Variants in PIP5K1C observed in about 807,000 individuals in gnomAD.
The protein encoded by PIP5K1C is phosphatidylinositol-4-phosphate 5-kinase type 1 gamma.
A neutral mutation model predicts 80.1 loss-of-function variants in PIP5K1C; 45 were observed. The ratio of observed to expected loss-of-function variants is 0.56; its 90% CI spans 0.44 to 0.72. PIP5K1C has a LOEUF of 0.72. Among genes scored for constraint, PIP5K1C ranks in the 30% least tolerant of loss-of-function variants. The pLI is 0.00. For synonymous variants in PIP5K1C, 498 were observed against 420.1 expected (o/e 1.19, Z -2.27); for missense variants, 753 against 954.6 (o/e 0.79, Z 2.78).
Position 3,637,095 on chromosome 19 carries a change from C to A in PIP5K1C, c.1920+1789G>T, listed in dbSNP as rs1599920144. ...CATGGCCCTGCGGTTCAGAGCCCGG[C>A]CCTGCAGCCACTCTGCTGACCTGTG... On this transcript the variant is annotated intron_variant, in intron 16 of 17. Coordinates refer to ENST00000335312, the MANE Select transcript of PIP5K1C (RefSeq NM_012398.3). This position sits in a 1 kb window ranked among gnomAD's most constrained non-coding sequence, Gnocchi z 7.0. The A allele has an allele frequency of 3.1e-6, 4 of 1,292,192 alleles. No homozygotes were observed. The highest frequency in any genetic ancestry group is 2.0e-6 in the Non-Finnish European group (2 of 1,015,684). The allele number at this position is 1,292,192 out of a possible 1,614,324, so 80.0% of individuals were successfully genotyped here.
intron 2 of PIP5K1C, among the ~76,000 whole-genome samples, chr19:3,665,842 T>C (rs577869819): frequency 1.1e-3 from 172 of 152,052 alleles, no homozygotes; most frequent in Non-Finnish European, 2.3e-3. Flanking sequence ...CAGCCCCGCC[T>C]GGCACCGTCA....
chr19:3,667,451 C>A, intron 1 of PIP5K1C, 98 bp from the exon 2 acceptor site: 2 of 1,317,642 alleles, frequency 1.5e-6, no homozygotes, highest in Non-Finnish European at 1.1e-6. Flanking sequence ...CCAGGCCTGG[C>A]GTGTGTAACT....
At chr19:3,689,281 G>C (rs2035871831) in intron 1 of PIP5K1C, among the ~76,000 whole-genome samples, 1 of 152,192 alleles carries the variant, frequency 6.6e-6, no homozygotes, top group South Asian at 2.1e-4. Context: ...AGGCTCACAG[G>C]AACCCGACCT....
chr19:3,654,626 G>A (rs1369854245), intron 6 of PIP5K1C, among the ~76,000 whole-genome samples: 1 of 152,088 alleles, frequency 6.6e-6, no homozygotes, highest in Non-Finnish European at 1.5e-5. Flanking sequence ...GACCAGCCTG[G>A]CCAACATGGT....
chr19:3,647,293 G>T lies in PIP5K1C; in HGVS notation c.1260+45C>A, dbSNP rs1286593920. 2.7e-6 allele frequency: 4 copies of T among 1,499,456 alleles called. No individual in the cohort carries two copies. The Admixed American group carries it at 5.9e-5, about 22-fold the overall frequency. The allele number at this position is 1,499,456 out of a possible 1,614,324, so 92.9% of individuals were successfully genotyped here. ...AGGAGGGTGCAGGCACTCACAGGAG[G>T]AGGAGGGATGGGAGGAGGAATGGGA... On this transcript the variant is annotated intron_variant, in intron 10 of 17. Transcript: ENST00000335312.
At chr19:3,700,173 G>A in intron 1 of PIP5K1C, 124 bp downstream of exon 1, 1 of 433,526 alleles carries the variant, frequency 2.3e-6, no homozygotes, top group Non-Finnish European at 3.2e-6. Context: ...CCCCGCCCCA[G>A]GCTCCTGGAA....
Position 3,648,710 on chromosome 19 carries a change from TG to T in PIP5K1C, c.1128-3del. On this transcript the variant is annotated splice_region_variant and splice_polypyrimidine_tract_variant and intron_variant, in intron 8 of 17. Coordinates refer to ENST00000335312, the MANE Select transcript of PIP5K1C (RefSeq NM_012398.3). This position sits in a 1 kb window ranked among gnomAD's most constrained non-coding sequence, Gnocchi z 4.3. ...TTCACAGCGGGGATCCCGCCCATCC[TG>T]GGGAGAGAGGCCGAGGGTACCATCA... The T allele has an allele frequency of 1.9e-6, 3 of 1,612,660 alleles. No homozygotes were observed. The highest frequency in any genetic ancestry group is 2.5e-6 in the Non-Finnish European group (3 of 1,179,638).
At chr19:3,644,319 G>A (rs181380080) in intron 11 of PIP5K1C, 68 bp from the exon 12 acceptor site, 58 of 1,517,884 alleles carry the variant, frequency 3.8e-5, no homozygotes, top group Non-Finnish European at 4.5e-5. Flanking sequence ...AGACAGGGCC[G>A]CCGCCCACAT....
At chr19:3,634,980 G>C (rs2033620202) in intron 16 of PIP5K1C, among the ~76,000 whole-genome samples, 1 of 152,262 alleles carries the variant, frequency 6.6e-6, no homozygotes, top group South Asian at 2.1e-4. Flanking sequence ...CCTGACGTGG[G>C]AATGGCAGGT....
Position 3,656,552 on chromosome 19 carries a change from G to T in PIP5K1C, c.474C>A (p.Ser158=). The part of the protein sequence containing the change: ...FGIRPDDYLY[S]LCNEPLIELS... ...GCTCGATCAGCGGCTCATTGCACAG[G>T]GAGTACTGGAAGCAGAGGAGGCGGG... Residue 158 remains serine, a synonymous_variant, in exon 6 of 18, where the codon TCC becomes TCA. Coordinates refer to ENST00000335312, the MANE Select transcript of PIP5K1C (RefSeq NM_012398.3). The T allele has an allele frequency of 1.9e-6, 3 of 1,613,570 alleles. No homozygotes were observed. The highest frequency in any genetic ancestry group is 2.5e-6 in the Non-Finnish European group (3 of 1,179,930).
At chr19:3,685,590 T>C (rs995846236) in intron 1 of PIP5K1C, among the ~76,000 whole-genome samples, 6 of 151,508 alleles carry the variant, frequency 4.0e-5, no homozygotes, top group African/African-American at 1.5e-4. Context: ...ATTAGCCGGG[T>C]GTGGTGGCGG....
chr19:3,674,446 G>A (rs1238867732), intron 1 of PIP5K1C, among the ~76,000 whole-genome samples: 4 of 151,794 alleles, frequency 2.6e-5, no homozygotes, highest in South Asian at 2.1e-4. Flanking sequence ...TCCGCCACTC[G>A]GGTTCAAGCG....
chr19:3,693,750 AC>A (rs1297432641), intron 1 of PIP5K1C, among the ~76,000 whole-genome samples: 2 of 152,198 alleles, frequency 1.3e-5, no homozygotes, highest in Non-Finnish European at 2.9e-5. Flanking sequence ...CACTCAGGAC[AC>A]CCGCAGCTCT....
chr19:3,685,264 T>C (rs2035720297), intron 1 of PIP5K1C, among the ~76,000 whole-genome samples: 2 of 152,236 alleles, frequency 1.3e-5, no homozygotes, highest in African/African-American at 4.8e-5. Flanking sequence ...GCATTTCTAA[T>C]GTGTGTGCCC....
rs370584859 is a variant in PIP5K1C at position 3,646,040 on chromosome 19, G to A, written c.1279C>T (p.Arg427Cys). The change falls in exon 11 of 18, where the codon CGC (arginine) becomes TGC (cysteine). Residue 427 changes from arginine to cysteine, a missense_variant. Transcript: ENST00000335312. ...AAGCGCTCGGCATAGAAGCTGGGGC[G>A]GTGGACGGACACCGTGTCCTGGAAG... ...VHDGDTVSVHRPSFYAERFFK... is the reference protein window; with the variant it reads ...VHDGDTVSVHCPSFYAERFFK... 4.3e-6 allele frequency: 7 copies of A among 1,612,842 alleles called. No individual in the cohort carries two copies. The highest frequency in any genetic ancestry group is 5.9e-6 in the Non-Finnish European group (7 of 1,179,654).
Position 3,631,027 on chromosome 19 carries a change from A to G in PIP5K1C, c.*2140T>C, listed in dbSNP as rs533316396. ...CCAAAAAACACAACCAACACCAAGT[A>G]TATCTCCAAAAGGGCCTTGGAGACA... is the stretch of plus-strand genomic sequence containing the variant. On this transcript the variant is annotated 3_prime_UTR_variant, in exon 18 of 18. Coordinates refer to ENST00000335312, the MANE Select transcript of PIP5K1C (RefSeq NM_012398.3). The G allele has an allele frequency of 2.6e-5, 4 of 152,412 alleles. No homozygotes were observed. The highest frequency in any genetic ancestry group is 4.1e-4 in the South Asian group (2 of 4,830). The allele number at this position is 152,412 out of a possible 1,614,324, so 9.4% of individuals were successfully genotyped here.
Position 3,670,198 on chromosome 19 carries a change from C to T in PIP5K1C, c.95-2845G>A, listed in dbSNP as rs1018260649. Among the ~76,000 whole-genome samples the T allele has an allele frequency of 2.0e-5, 3 of 152,168 alleles. No homozygotes were observed. The South Asian group carries it at 6.2e-4, about 31-fold the overall frequency. On this transcript the variant is annotated intron_variant, in intron 1 of 17. Transcript: ENST00000335312. Reference sequence around the variant, plus strand: ...TGGGCCCCTGCAGTCGTGGTCAGTCCCCACGCCTGCCTGAGGGTGCGGGGT... The same window carrying T: ...TGGGCCCCTGCAGTCGTGGTCAGTCTCCACGCCTGCCTGAGGGTGCGGGGT...
At chr19:3,661,406 A>G (rs2034829467) in intron 4 of PIP5K1C, among the ~76,000 whole-genome samples, 1 of 152,256 alleles carries the variant, frequency 6.6e-6, no homozygotes. Context: ...CGAGTGGAGC[A>G]GAAACACTGG....
chr19:3,670,280 T>C (rs2035163969), intron 1 of PIP5K1C, among the ~76,000 whole-genome samples: 2 of 152,146 alleles, frequency 1.3e-5, no homozygotes, highest in South Asian at 4.1e-4. Context: ...TGCAACCGTA[T>C]TTGGAAAGAG....
Sources: gnomAD v4.1 joint callset for allele counts (sites outside exome capture counted in the v4.1 genomes callset) on GRCh38, gnomAD v4.1.1 for gene constraint, Gnocchi (gnomAD v3.1) non-coding constraint, MANE v1.5 for transcripts, NCBI Gene and HGNC (gene_info 2026-07-23, HGNC 2026-07-21) for gene names.